Variants in GNA12 observed in about 807,000 individuals in gnomAD.
GNA12 encodes the protein G protein subunit alpha 12, also known as guanine nucleotide-binding protein subunit alpha-12.
Under a neutral mutation model 26.0 loss-of-function variants are expected in GNA12, and 9 were observed. The observed-to-expected ratio is 0.35, with a 90% CI of 0.21 to 0.60. GNA12 has a LOEUF of 0.60. Ranked by LOEUF, GNA12 falls within the 20% of genes least tolerant of loss-of-function variation. GNA12 has a pLI of 0.78. For missense variants in GNA12, 405 were observed against 525.8 expected (o/e 0.77, Z 2.25); for synonymous variants, 264 against 219.6 (o/e 1.20, Z -1.79).
intron 2 of GNA12, among the ~76,000 whole-genome samples, chr7:2,758,028 GA>G (rs1038628086): frequency 2.6e-5 from 4 of 152,150 alleles, no homozygotes; most frequent in African/African-American, 9.7e-5. Context: ...TAAATGTCTG[GA>G]AAACCTCTTG....
chr7:2,742,155 G>A (rs1790539205), intron 2 of GNA12, among the ~76,000 whole-genome samples: 1 of 151,966 alleles, frequency 6.6e-6, no homozygotes. Context: ...CCGAGTAGCT[G>A]GGATTACAGA....
chr7:2,762,186 C>T (rs1360044227), intron 2 of GNA12: 1 of 164,224 alleles, frequency 6.1e-6, no homozygotes, highest in East Asian at 1.7e-4. Context: ...GTGGAGGGGT[C>T]AACCCAGGCT....
At chr7:2,778,910 T>C (rs1212248522) in intron 2 of GNA12, among the ~76,000 whole-genome samples, 3 of 152,220 alleles carry the variant, frequency 2.0e-5, no homozygotes, top group Non-Finnish European at 4.4e-5. Context: ...GGGTTGATAC[T>C]ACCACCCTTT....
chr7:2,796,107 C>T (rs943055240), intron 1 of GNA12, among the ~76,000 whole-genome samples: 2 of 144,494 alleles, frequency 1.4e-5, no homozygotes, highest in East Asian at 1.9e-4. Flanking sequence ...CTCAGCTGAT[C>T]CGCCCGCCTC....
intron 2 of GNA12, among the ~76,000 whole-genome samples, chr7:2,738,266 C>G (rs1790310856): frequency 6.7e-6 from 1 of 148,914 alleles, no homozygotes; most frequent in Admixed American, 6.7e-5. Flanking sequence ...AATACAAAAA[C>G]AGAGTGAGGC....
chr7:2,760,177 C>T (rs938919370), intron 2 of GNA12, among the ~76,000 whole-genome samples: 2 of 152,234 alleles, frequency 1.3e-5, no homozygotes, highest in African/African-American at 4.8e-5. Flanking sequence ...CCCGCCTCTG[C>T]CTGGGGAAGG....
At chr7:2,832,196 C>T (rs771805105) in intron 1 of GNA12, among the ~76,000 whole-genome samples, 3 of 152,230 alleles carry the variant, frequency 2.0e-5, no homozygotes, top group Non-Finnish European at 4.4e-5. Context: ...AAGGCCTCCC[C>T]TCTCCTCCAA....
intron 3 of GNA12, among the ~76,000 whole-genome samples, chr7:2,732,553 C>T (rs896485416): frequency 1.3e-5 from 2 of 151,954 alleles, no homozygotes; most frequent in African/African-American, 4.8e-5. Flanking sequence ...CTCAAAAAAT[C>T]GAAAAACAAA....
intron 2 of GNA12, among the ~76,000 whole-genome samples, chr7:2,759,064 CA>C (rs1791432620): frequency 6.6e-6 from 1 of 151,656 alleles, no homozygotes; most frequent in South Asian, 2.1e-4. Flanking sequence ...CACTTGAACC[CA>C]GGGGGCGGAG....
At position 2,800,886 on chromosome 7, in the gene GNA12, C is replaced by T. The variant is rs186562348; in HGVS notation, c.310-5743G>A. 1.4e-3 allele frequency among the ~76,000 whole-genome samples: 215 copies of T among 152,304 alleles called. 2 individuals carry two copies. The highest frequency in any genetic ancestry group is 4.7e-3 in the African/African-American group (194 of 41,556). On this transcript the variant is annotated intron_variant, in intron 1 of 3. Transcript: ENST00000275364. ...CTCATCTCCCCACTTCCTTTGACTA[C>T]ACCACACCAAACTCTTGCCTTTCCA... is the stretch of plus-strand genomic sequence containing the variant.
At chr7:2,765,913 A>G (rs1163347348) in intron 2 of GNA12, among the ~76,000 whole-genome samples, 2 of 134,320 alleles carry the variant, frequency 1.5e-5, no homozygotes, top group African/African-American at 5.4e-5. Context: ...AAGTGCTGGG[A>G]TTACAGGCGC....
At chr7:2,803,977 C>G (rs1792880045) in intron 1 of GNA12, among the ~76,000 whole-genome samples, 1 of 152,190 alleles carries the variant, frequency 6.6e-6, no homozygotes, top group Non-Finnish European at 1.5e-5. Context: ...CATGGGCAGA[C>G]CAACTTCTTC....
At chr7:2,738,487 C>T (rs910481049) in intron 2 of GNA12, among the ~76,000 whole-genome samples, 3 of 152,128 alleles carry the variant, frequency 2.0e-5, no homozygotes, top group East Asian at 3.8e-4. Context: ...AAAGGAAAAG[C>T]ACAAGGCACG....
Position 2,844,134 on chromosome 7 carries a change from G to C in GNA12, c.28C>G (p.Arg10Gly). Residue 10 changes from arginine to glycine, a missense_variant, in exon 1 of 4, where the codon CGC becomes GGC. Arg to Gly is a moderately radical substitution (Grantham distance 125, BLOSUM62 -2). Coordinates refer to ENST00000275364, the MANE Select transcript of GNA12 (RefSeq NM_007353.3). ...CCGGCCTCGGCCGGCAGCAGGCAGC[G>C]GCTGAGGGTCCGCACCACCCCGGAC... MSGVVRTLS[R>G]CLLPAEAGGA... 2 of 986,986 alleles carry C rather than the reference G, an allele frequency of 2.0e-6. No individual in the cohort carries two copies. Among genetic ancestry groups the C allele is most frequent in the Non-Finnish European group, 2.4e-6 (2 of 832,826 alleles). 61.1% of individuals were successfully genotyped at this position (986,986 alleles called of 1,614,324 possible).
chr7:2,770,965 C>T (rs1012402929), intron 2 of GNA12, among the ~76,000 whole-genome samples: 2 of 152,130 alleles, frequency 1.3e-5, no homozygotes, highest in African/African-American at 4.8e-5. Flanking sequence ...AGCAAATGGA[C>T]AGGGAACAGA....
chr7:2,819,365 T>C (rs1583307298), intron 1 of GNA12, among the ~76,000 whole-genome samples: 1 of 152,220 alleles, frequency 6.6e-6, no homozygotes, highest in African/African-American at 2.4e-5. Flanking sequence ...GGCAACCAAC[T>C]GAGCCACACT....
intron 3 of GNA12, among the ~76,000 whole-genome samples, chr7:2,732,046 C>T (rs1304019402): frequency 6.6e-6 from 1 of 152,198 alleles, no homozygotes; most frequent in Non-Finnish European, 1.5e-5. Flanking sequence ...AGGAAATTTA[C>T]CATCTTTTTT....
At chr7:2,763,108 G>A in intron 2 of GNA12, 1 of 1,245,588 alleles carries the variant, frequency 8.0e-7, no homozygotes, top group Non-Finnish European at 1.0e-6. Flanking sequence ...AGCAGCCTCT[G>A]AAGTCATCTT....
chr7:2,736,011 A>G (rs1392958479), intron 2 of GNA12, among the ~76,000 whole-genome samples: 1 of 152,160 alleles, frequency 6.6e-6, no homozygotes, highest in African/African-American at 2.4e-5. Flanking sequence ...AGACTGGACA[A>G]TGCACCTGCT....
Sources: allele counts gnomAD v4.1 joint callset (sites outside exome capture counted in the v4.1 genomes callset), GRCh38; gene constraint gnomAD v4.1.1; transcripts MANE v1.5; gene names NCBI Gene and HGNC (gene_info 2026-07-23, HGNC 2026-07-21).